GRIA4: variants seen among roughly 807,000 people sequenced by gnomAD.
The protein encoded by GRIA4 is glutamate receptor 4.
GRIA4 carries 34 observed loss-of-function variants against 104.0 expected under a neutral mutation model. The ratio of observed to expected loss-of-function variants is 0.33; its 90% CI spans 0.25 to 0.44. GRIA4 has a LOEUF of 0.44. Among genes scored for constraint, GRIA4 ranks in the 20% least tolerant of loss-of-function variants. GRIA4 has a pLI of 1.00. For synonymous variants in GRIA4, 386 were observed against 381.9 expected, an observed-to-expected ratio of 1.01 and a Z score of -0.13; for missense variants, 750 against 1,096.5, an observed-to-expected ratio of 0.68 and a Z score of 4.46.
intron 3 of GRIA4, among the ~76,000 whole-genome samples, chr11:105,704,801 G>A (rs1456945362): frequency 1.3e-5 from 2 of 152,074 alleles, no homozygotes; most frequent in African/African-American, 4.8e-5. Context: ...CCCCTTTCTT[G>A]TATTACATTA....
chr11:105,854,196 GT>G (rs2135996324), intron 4 of GRIA4, among the ~76,000 whole-genome samples: 1 of 152,246 alleles, frequency 6.6e-6, no homozygotes, highest in South Asian at 2.1e-4. Flanking sequence ...ATATTAGGTG[GT>G]GGTGAAGTGT....
chr11:105,649,948 C>A (rs1013045777), intron 3 of GRIA4, among the ~76,000 whole-genome samples: 1 of 152,020 alleles, frequency 6.6e-6, no homozygotes, highest in Admixed American at 6.6e-5. Flanking sequence ...AGAAATGATG[C>A]TTACAATTTT....
At chr11:105,691,582 T>C (rs1953085134) in intron 3 of GRIA4, among the ~76,000 whole-genome samples, 1 of 152,146 alleles carries the variant, frequency 6.6e-6, no homozygotes. Context: ...TAAGATTATT[T>C]TGATGAGTAA....
At chr11:105,918,490 A>G (rs1173818963) in intron 10 of GRIA4, among the ~76,000 whole-genome samples, 2 of 152,112 alleles carry the variant, frequency 1.3e-5, no homozygotes, top group Non-Finnish European at 2.9e-5. Flanking sequence ...TCAAATGGAA[A>G]TTTAAAGATT....
At chr11:105,792,244 C>T (rs557300915) in intron 4 of GRIA4, among the ~76,000 whole-genome samples, 11 of 152,060 alleles carry the variant, frequency 7.2e-5, no homozygotes, top group African/African-American at 9.6e-5. Context: ...AAGAAATAAA[C>T]GAACATCAAG....
intron 3 of GRIA4, among the ~76,000 whole-genome samples, chr11:105,733,387 G>T (rs1035723570): frequency 1.3e-5 from 2 of 152,132 alleles, no homozygotes; most frequent in Non-Finnish European, 2.9e-5. Flanking sequence ...ATTGTTGGGA[G>T]ATTTTTGTAT....
intron 4 of GRIA4, among the ~76,000 whole-genome samples, chr11:105,755,968 C>T (rs1291846088): frequency 6.6e-6 from 1 of 152,136 alleles, no homozygotes; most frequent in Non-Finnish European, 1.5e-5. Flanking sequence ...CAGGCTTAGA[C>T]TAAAATTTCA....
At chr11:105,974,601 T>C in intron 16 of GRIA4, 157 bp downstream of exon 16, 2 of 1,582,862 alleles carry the variant, frequency 1.3e-6, no homozygotes, top group South Asian at 1.1e-5. Flanking sequence ...ATGCATCCTG[T>C]GAACGCAGTG....
chr11:105,844,523 A>G (rs1173984596), intron 4 of GRIA4, among the ~76,000 whole-genome samples: 5 of 152,248 alleles, frequency 3.3e-5, no homozygotes, highest in Non-Finnish European at 7.3e-5. Flanking sequence ...ATTGTAAAAC[A>G]GGACCTTTGC....
intron 10 of GRIA4, chr11:105,912,635 C>T: frequency 1.6e-6 from 1 of 644,626 alleles, no homozygotes; most frequent in Non-Finnish European, 1.9e-6. Flanking sequence ...TAGTATAATA[C>T]TAGTATCTTT....
At chr11:105,848,725 C>T (rs1202505908) in intron 4 of GRIA4, among the ~76,000 whole-genome samples, 2 of 152,110 alleles carry the variant, frequency 1.3e-5, no homozygotes, top group Non-Finnish European at 2.9e-5. Flanking sequence ...GCTTTAGGGA[C>T]ACCAACAAGA....
intron 5 of GRIA4, among the ~76,000 whole-genome samples, chr11:105,882,139 C>T (rs1946088802): frequency 6.6e-6 from 1 of 152,196 alleles, no homozygotes; most frequent in Non-Finnish European, 1.5e-5. Context: ...TGACTGCCCT[C>T]ATGACAATAA....
At chr11:105,676,352 G>T (rs1356842411) in intron 3 of GRIA4, among the ~76,000 whole-genome samples, 1 of 151,638 alleles carries the variant, frequency 6.6e-6, no homozygotes, top group Non-Finnish European at 1.5e-5. Context: ...CTGCAGAATT[G>T]CTTGTATTAG....
At chr11:105,777,493 T>C (rs1284526523) in intron 4 of GRIA4, among the ~76,000 whole-genome samples, 1 of 152,192 alleles carries the variant, frequency 6.6e-6, no homozygotes, top group East Asian at 1.9e-4. Context: ...TATATTTTAT[T>C]TAAACAAAAG....
intron 3 of GRIA4, among the ~76,000 whole-genome samples, chr11:105,642,186 A>C (rs141174056): frequency 6.6e-5 from 10 of 152,258 alleles, no homozygotes; most frequent in Admixed American, 6.5e-4. Context: ...TGTAACTTCA[A>C]TGCAGAAGCT....
intron 4 of GRIA4, among the ~76,000 whole-genome samples, chr11:105,835,945 A>G (rs144100167): frequency 4.6e-5 from 7 of 152,170 alleles, no homozygotes; most frequent in Admixed American, 2.6e-4. Flanking sequence ...GGGTCTTACA[A>G]TGTTTGAGGA....
At position 105,912,792 on chromosome 11, in the gene GRIA4, T is replaced by G. The variant is rs1236501398; in HGVS notation, c.1269+2247T>G. 5.1e-6 allele frequency: 5 copies of G among 983,068 alleles called. No individual in the cohort carries two copies. In the East Asian group the frequency reaches 4.5e-4, roughly 89 times the overall value. 60.9% of individuals were successfully genotyped at this position (983,068 alleles called of 1,614,324 possible). ...TTGTTGAAAACGGTAGTCCAGGACC[T>G]ATGATATCCCTCCACTTCATTCATT... On this transcript the variant is annotated intron_variant, in intron 10 of 16. Coordinates refer to ENST00000282499, the MANE Select transcript of GRIA4 (RefSeq NM_000829.4).
At chr11:105,863,391 A>AATAC (rs1555030708) in intron 5 of GRIA4, among the ~76,000 whole-genome samples, 1 of 148,790 alleles carries the variant, frequency 6.7e-6, no homozygotes, top group African/African-American at 2.5e-5. Context: ...GAAAAAGCTA[A>AATAC]ATATATATAT....
chr11:105,892,978 A>G (rs1946509671), intron 6 of GRIA4, among the ~76,000 whole-genome samples: 1 of 152,180 alleles, frequency 6.6e-6, no homozygotes, highest in Non-Finnish European at 1.5e-5. Flanking sequence ...TAGACCTGTA[A>G]ATTTACATAA....
Sources: allele counts gnomAD v4.1 joint callset (sites outside exome capture counted in the v4.1 genomes callset), GRCh38; gene constraint gnomAD v4.1.1; transcripts MANE v1.5; gene names NCBI Gene and HGNC (gene_info 2026-07-23, HGNC 2026-07-21).